Variants in HYDIN observed in about 807,000 individuals in gnomAD.
HYDIN encodes HYDIN axonemal central pair apparatus protein, also known as axonemal central pair apparatus protein HYDIN.
In HYDIN, 132 loss-of-function variants were observed where a neutral mutation model predicts 403.9. The ratio of observed to expected loss-of-function variants is 0.33; its 90% confidence interval spans 0.28 to 0.38. The LOEUF (loss-of-function observed/expected upper bound fraction) is 0.38. Ranked by LOEUF, HYDIN falls within the 10% of genes least tolerant of loss-of-function variation. The pLI is 1.00. For synonymous variants in HYDIN, 1,202 were observed against 1,891.7 expected, an observed-to-expected ratio of 0.64 and a Z score of 9.46; for missense variants, 2,827 against 5,009.5, an observed-to-expected ratio of 0.56 and a Z score of 13.15.
intron 14 of HYDIN, among the ~76,000 whole-genome samples, chr16:71,067,608 T>A (rs939044884): frequency 1.3e-5 from 2 of 151,198 alleles, no homozygotes; most frequent in Non-Finnish European, 3.0e-5. Flanking sequence ...GTTAGTACAA[T>A]GGCTTTGCTC....
chr16:71,010,233 C>G (rs2080036209), intron 23 of HYDIN, among the ~76,000 whole-genome samples: 1 of 151,856 alleles, frequency 6.6e-6, no homozygotes, highest in Non-Finnish European at 1.5e-5. Context: ...TAAATGCTTA[C>G]TTTTGGCTCC....
In HYDIN at chr16:71,153,024, T is replaced by C. The variant is rs529607303; in HGVS notation, c.717-241A>G. On this transcript the variant is annotated intron_variant, in intron 6 of 85. Transcript: ENST00000393567. ...TAAACAATGCAACAATATTCTTGTTTGTGTCCTTGCCATTCAGCCCTGCTT... is the reference window on the plus strand; with the variant it reads ...TAAACAATGCAACAATATTCTTGTTCGTGTCCTTGCCATTCAGCCCTGCTT... 1.5e-4 allele frequency: 58 copies of C among 397,030 alleles called. 3 individuals are homozygous for C. In the South Asian group the frequency reaches 1.5e-3, roughly 10 times the overall value. The allele number at this position is 397,030 out of a possible 1,614,324, so 24.6% of individuals were successfully genotyped here.
chr16:71,000,160 A>C (rs1382578092), intron 23 of HYDIN, among the ~76,000 whole-genome samples: 1 of 152,084 alleles, frequency 6.6e-6, no homozygotes. Flanking sequence ...CTTTTTACGA[A>C]CATCACTCCA....
intron 45 of HYDIN, among the ~76,000 whole-genome samples, chr16:70,922,761 T>C (rs1207234045): frequency 6.6e-6 from 1 of 151,446 alleles, no homozygotes; most frequent in Non-Finnish European, 1.5e-5. Context: ...TGGAAGTTTA[T>C]ATGTCTTTAA....
chr16:71,012,627 A>C (rs1044518916), intron 23 of HYDIN, among the ~76,000 whole-genome samples: 15 of 152,210 alleles, frequency 9.9e-5, no homozygotes, highest in African/African-American at 3.1e-4. Flanking sequence ...AAGGAACATG[A>C]GAGTGTCTAG....
chr16:70,812,061 G>A (rs1276470541), intron 84 of HYDIN, among the ~76,000 whole-genome samples: 3 of 90,906 alleles, frequency 3.3e-5, no homozygotes, highest in Non-Finnish European at 6.6e-5. Context: ...AAGACTAAGA[G>A]GGAACCCGTT....
chr16:70,963,209 T>TTC (rs1264232672), intron 37 of HYDIN, among the ~76,000 whole-genome samples: 3 of 152,100 alleles, frequency 2.0e-5, no homozygotes, highest in African/African-American at 7.2e-5. Context: ...TGATTTTTTT[T>TTC]TCCCCGGCAC....
intron 50 of HYDIN, among the ~76,000 whole-genome samples, chr16:70,906,690 T>A (rs1057188314): frequency 2.6e-5 from 4 of 151,946 alleles, no homozygotes; most frequent in African/African-American, 7.2e-5. Flanking sequence ...AGAGTTATCT[T>A]CTTCACATCT....
intron 45 of HYDIN, among the ~76,000 whole-genome samples, chr16:70,923,832 A>C (rs1490511620): frequency 6.8e-6 from 1 of 146,290 alleles, no homozygotes; most frequent in Admixed American, 6.8e-5. Context: ...AAAAAAAAAA[A>C]AAAAAGAACA....
Position 70,802,443 on chromosome 16 carries a change from A to G in HYDIN, c.*5137T>C, listed in dbSNP as rs1409739257. The G allele has an allele frequency of 2.0e-5, 3 of 152,256 alleles. No homozygotes were observed. Among genetic ancestry groups the G allele is most frequent in the Non-Finnish European group, 1.5e-5 (1 of 68,046 alleles). The allele number at this position is 152,256 out of a possible 1,614,324, so 9.4% of individuals were successfully genotyped here. On this transcript the variant is annotated 3_prime_UTR_variant, in exon 86 of 86. Transcript: ENST00000393567. ...GCCTGACCGAATCAAGTGAGTACTT[A>G]AAAGAGATTAGAAGAAATTTGAACT...
At chr16:70,970,834 G>A in intron 35 of HYDIN, 75 bp from the exon 36 acceptor site, 2 of 1,453,220 alleles carry the variant, frequency 1.4e-6, no homozygotes, top group Non-Finnish European at 9.4e-7. Context: ...ACACTGCTGA[G>A]GGGAAAAAAC....
chr16:70,863,197 G>A lies in HYDIN; in HGVS notation c.11472-15C>T, dbSNP rs373772540. On this transcript the variant is annotated splice_polypyrimidine_tract_variant and intron_variant, in intron 67 of 85. Transcript: ENST00000393567. Reference sequence around the variant, plus strand: ...TCACATCGAACCTGCAAATCGATCAGGGAGCAGATTTGAGAAATGTGCTGC... The same window carrying A: ...TCACATCGAACCTGCAAATCGATCAAGGAGCAGATTTGAGAAATGTGCTGC... The A allele has an allele frequency of 6.2e-7, 1 of 1,610,496 alleles. No homozygotes were observed. Among genetic ancestry groups the A allele is most frequent in the Admixed American group, 1.7e-5 (1 of 59,772 alleles).
At chr16:71,141,055 C>A (rs2085149646) in intron 7 of HYDIN, among the ~76,000 whole-genome samples, 1 of 151,380 alleles carries the variant, frequency 6.6e-6, no homozygotes, top group African/African-American at 2.4e-5. Context: ...TTAAAAACAT[C>A]TATAAAATAG....
intron 5 of HYDIN, among the ~76,000 whole-genome samples, chr16:71,166,030 G>A (rs1312014189): frequency 6.7e-6 from 1 of 149,124 alleles, no homozygotes; most frequent in Non-Finnish European, 1.5e-5. Flanking sequence ...AAAAAGCGCT[G>A]GCTGCTATGT....
chr16:70,902,165 G>A (rs2076399752), intron 52 of HYDIN, among the ~76,000 whole-genome samples: 1 of 145,874 alleles, frequency 6.9e-6, no homozygotes, highest in Non-Finnish European at 1.5e-5. Context: ...ATTTTATCCT[G>A]GCTGCTTTCA....
intron 18 of HYDIN, among the ~76,000 whole-genome samples, chr16:71,055,172 G>A (rs2081838008): frequency 6.6e-6 from 1 of 152,294 alleles, no homozygotes; most frequent in African/African-American, 2.4e-5. Context: ...GTAAAGTTAG[G>A]CGGTTCATTA....
At chr16:71,206,086 G>A (rs1312988071) in intron 1 of HYDIN, among the ~76,000 whole-genome samples, 1 of 152,122 alleles carries the variant, frequency 6.6e-6, no homozygotes, top group Non-Finnish European at 1.5e-5. Flanking sequence ...CCACCCCAAA[G>A]GCCCATAGCC....
chr16:71,131,077 G>C (rs2084694334), intron 8 of HYDIN, among the ~76,000 whole-genome samples: 1 of 85,086 alleles, frequency 1.2e-5, no homozygotes, highest in Non-Finnish European at 2.3e-5. Context: ...AAATTATTTA[G>C]CAACATAAGT....
chr16:70,960,040 C>T (rs1219458504), intron 38 of HYDIN, among the ~76,000 whole-genome samples: 1 of 152,154 alleles, frequency 6.6e-6, no homozygotes, highest in Non-Finnish European at 1.5e-5. Context: ...GATTTTTTGA[C>T]CCCACTTTCA....
Sources: gnomAD v4.1 joint callset for allele counts (sites outside exome capture counted in the v4.1 genomes callset) on GRCh38, gnomAD v4.1.1 for gene constraint, MANE v1.5 for transcripts, NCBI Gene and HGNC (gene_info 2026-07-23, HGNC 2026-07-21) for gene names.